GTF3C1: variants seen among roughly 807,000 people sequenced by gnomAD.
GTF3C1 encodes general transcription factor IIIC subunit 1, also known as general transcription factor 3C polypeptide 1.
GTF3C1 carries 57 observed loss-of-function variants against 226.7 expected under a neutral mutation model. The ratio of observed to expected loss-of-function variants is 0.25; its 90% confidence interval spans 0.20 to 0.31. GTF3C1 has a LOEUF of 0.31. Ranked by LOEUF, GTF3C1 falls within the 10% of genes least tolerant of loss-of-function variation. The pLI, the probability that GTF3C1 is intolerant of heterozygous loss-of-function variation, is 1.00. For synonymous variants in GTF3C1, 1,090 were observed against 1,084.8 expected (o/e 1.00, Z -0.09); for missense variants, 2,217 against 2,776.1 (o/e 0.80, Z 4.53).
At chr16:27,493,851 A>G (rs899639091) in intron 16 of GTF3C1, among the ~76,000 whole-genome samples, 1 of 152,236 alleles carries the variant, frequency 6.6e-6, no homozygotes, top group African/African-American at 2.4e-5. Flanking sequence ...CAAGTCTAAA[A>G]AGTTAATGAT....
At chr16:27,476,836 G>C (rs957193620) in intron 28 of GTF3C1, among the ~76,000 whole-genome samples, 1 of 152,166 alleles carries the variant, frequency 6.6e-6, no homozygotes, top group Non-Finnish European at 1.5e-5. Context: ...TTCTAAACGA[G>C]TTTTTCTCCG....
At chr16:27,532,730 G>A (rs150403253) in intron 5 of GTF3C1, among the ~76,000 whole-genome samples, 3 of 152,274 alleles carry the variant, frequency 2.0e-5, no homozygotes, top group South Asian at 2.1e-4. Flanking sequence ...CCTAAATGCC[G>A]CATTTTCCTA....
rs769367389 is a variant in GTF3C1, at chr16:27,508,493, A to G, written c.1242+47T>C. ...GATGCTCGTTCTCAAATACACTGCA[A>G]GCACCTCCAAAGACAACGAGTGTTG... On this transcript the variant is annotated intron_variant, in intron 8 of 36. Coordinates refer to ENST00000356183, the MANE Select transcript of GTF3C1 (RefSeq NM_001520.4). The G allele has an allele frequency of 1.3e-5, 18 of 1,374,074 alleles. No individual in the cohort carries two copies. In the South Asian group the frequency reaches 2.1e-4, roughly 16 times the overall value. The allele number at this position is 1,374,074 out of a possible 1,614,324, so 85.1% of individuals were successfully genotyped here. A position where few individuals can be genotyped will look rare whatever the true frequency, so the allele number is the denominator to read the frequency against.
chr16:27,549,705 C>T lies in GTF3C1; in HGVS notation c.186G>A (p.Glu62=). The T allele has an allele frequency of 6.3e-7, 1 of 1,588,746 alleles. No homozygotes were observed. The highest frequency in any genetic ancestry group is 8.6e-7 in the Non-Finnish European group (1 of 1,168,070). ...GCTGTAGGTCGGGTCGCTCCCGAGG[C>T]TCCTCATAGAAGCTGATGCCCGGGT... ...ATHPGISFYE[E]PRERPDLQLQ... Residue 62 remains glutamate (E), a synonymous_variant, in exon 1 of 37, where the codon GAG becomes GAA. Coordinates refer to ENST00000356183, the MANE Select transcript of GTF3C1 (RefSeq NM_001520.4).
intron 6 of GTF3C1, among the ~76,000 whole-genome samples, chr16:27,522,591 T>C (rs77630877): frequency 6.2e-4 from 94 of 152,358 alleles, no homozygotes; most frequent in African/African-American, 2.2e-3. Context: ...CTGGGTCCCT[T>C]TGCATTCCCT....
chr16:27,525,202 A>AAAGAAAAGAAAAGAAAAGAT (rs1284574172), intron 6 of GTF3C1, among the ~76,000 whole-genome samples: 16 of 152,040 alleles, frequency 1.1e-4, no homozygotes, highest in African/African-American at 3.6e-4. Flanking sequence ...AAAGAAAAGA[A>AAAGAAAAGAAAAGAAAAGAT]AAGATCAAAT....
chr16:27,464,223 T>C (rs927198284), intron 34 of GTF3C1, 97 bp downstream of exon 34: 1 of 683,994 alleles, frequency 1.5e-6, no homozygotes, highest in South Asian at 4.1e-5. Flanking sequence ...CAGTGGCAGG[T>C]CCCCCATCCT....
chr16:27,532,035 G>A (rs761458101), intron 5 of GTF3C1, among the ~76,000 whole-genome samples: 2 of 152,220 alleles, frequency 1.3e-5, no homozygotes, highest in South Asian at 2.1e-4. Context: ...GGTGGACTGC[G>A]GGGGACCCAG....
chr16:27,520,459 C>T lies in GTF3C1; in HGVS notation c.973+8139G>A, dbSNP rs144809035. On this transcript the variant is annotated intron_variant, in intron 6 of 36. Transcript: ENST00000356183. ...TCTTGATGTTTTTTCTACTTCCCCC[C>T]ACTCCAAGACTGACCACAAAATGGG... Among the ~76,000 whole-genome samples, 16 of 152,036 alleles carry T rather than the reference C, an allele frequency of 1.1e-4. No individual in the cohort carries two copies. The East Asian group carries it at 3.1e-3, about 30-fold the overall frequency.
chr16:27,494,869 G>C lies in GTF3C1; in HGVS notation c.2672C>G (p.Pro891Arg). 1 of 1,612,516 alleles carries C rather than the reference G, an allele frequency of 6.2e-7. No homozygotes were observed. The highest frequency in any genetic ancestry group is 8.5e-7 in the Non-Finnish European group (1 of 1,178,536). ...GCCGAAGTCCCTGTGGACTGGGATT[G>C]GGGGGATGTAGCGCATCCACGAGGC... ...DDASWMRYIPPIPVHRDFGFG... is the reference protein window; with the variant it reads ...DDASWMRYIPRIPVHRDFGFG... Residue 891 changes from proline to arginine, a missense_variant, in exon 16 of 37, where the codon CCA (proline) becomes CGA (arginine). Physicochemically the swap from Pro to Arg is moderately radical, Grantham distance 103. Coordinates refer to ENST00000356183, the MANE Select transcript of GTF3C1 (RefSeq NM_001520.4).
chr16:27,488,752 C>G, intron 21 of GTF3C1, 117 bp from the exon 22 acceptor site: 1 of 859,312 alleles, frequency 1.2e-6, no homozygotes, highest in Non-Finnish European at 1.8e-6. Context: ...GCACTGACAG[C>G]CAGGGGCTGG....
chr16:27,485,926 C>G, intron 24 of GTF3C1, 71 bp downstream of exon 24: 1 of 1,022,262 alleles, frequency 9.8e-7, no homozygotes, highest in Non-Finnish European at 1.5e-6. Context: ...GCTGGGAGTC[C>G]CCGGAAGGCT....
In GTF3C1 at chr16:27,462,490, C is replaced by T; in HGVS notation, c.5925-4G>A. ...GAAGCAGACACTCTCACAGTCCCTG[C>T]AGGGAGAGGGCTTGACATCAGGGCT... On this transcript the variant is annotated splice_region_variant and splice_polypyrimidine_tract_variant and intron_variant, in intron 35 of 36. Coordinates refer to ENST00000356183, the MANE Select transcript of GTF3C1 (RefSeq NM_001520.4). This position sits in a 1 kb window ranked among gnomAD's most constrained non-coding sequence, Gnocchi z 4.5. 6.2e-7 allele frequency: 1 copy of T among 1,612,160 alleles called. No homozygotes were observed. Among genetic ancestry groups the T allele is most frequent in the Non-Finnish European group, 8.5e-7 (1 of 1,178,616 alleles).
chr16:27,464,314 C>T lies in GTF3C1; in HGVS notation c.5872+6G>A, dbSNP rs1018340856. ...GAGGTGGGGTGGGGGACAAGGCGCGCGGTACCTCTGGGGTCTTCAGAGCCC... is the reference window on the plus strand; with the variant it reads ...GAGGTGGGGTGGGGGACAAGGCGCGTGGTACCTCTGGGGTCTTCAGAGCCC... On this transcript the variant is annotated splice_donor_region_variant and intron_variant, in intron 34 of 36. Coordinates refer to ENST00000356183, the MANE Select transcript of GTF3C1 (RefSeq NM_001520.4). 7.6e-6 allele frequency: 11 copies of T among 1,453,860 alleles called. No individual in the cohort carries two copies. Among genetic ancestry groups the T allele is most frequent in the South Asian group, 4.6e-5 (3 of 65,020 alleles). 90.1% of individuals were successfully genotyped at this position (1,453,860 alleles called of 1,614,324 possible). A position where few individuals can be genotyped will look rare whatever the true frequency, so the allele number is the denominator to read the frequency against.
chr16:27,475,383 G>A (rs1315108685), intron 29 of GTF3C1, among the ~76,000 whole-genome samples: 1 of 152,044 alleles, frequency 6.6e-6, no homozygotes, highest in Non-Finnish European at 1.5e-5. Context: ...TTTTCCCCTC[G>A]TATTCCAAAT....
intron 14 of GTF3C1, 86 bp from the exon 15 acceptor site, chr16:27,495,578 T>C (rs1408671309): frequency 3.9e-6 from 5 of 1,269,934 alleles, no homozygotes; most frequent in Non-Finnish European, 5.5e-6. Flanking sequence ...TGAGTGCCAC[T>C]ATGTGCCAGG....
chr16:27,478,517 GC>G lies in GTF3C1; in HGVS notation c.4210del (p.Ala1404GlnfsTer29). On this transcript the variant is annotated frameshift_variant, in exon 28 of 37. Coordinates refer to ENST00000356183, the MANE Select transcript of GTF3C1 (RefSeq NM_001520.4). LOFTEE classifies it high-confidence loss of function. ...GGTTTGATCTTTTTCATCCCCAATT[GC>G]CAAAACTCGGTACCTGCAAAAGAAA... ...QELFARYRVL[A>X]IGDEKDQTRK... 6.2e-7 allele frequency: 1 copy of G among 1,611,230 alleles called. No individual in the cohort carries two copies. The highest frequency in any genetic ancestry group is 8.5e-7 in the Non-Finnish European group (1 of 1,177,446).
intron 10 of GTF3C1, 107 bp from the exon 11 acceptor site, chr16:27,503,102 A>G: frequency 1.4e-6 from 1 of 738,846 alleles, no homozygotes. Context: ...TTCTACTCCC[A>G]TCTTTCAAGA....
chr16:27,495,907 G>A (rs1331160729), intron 14 of GTF3C1, among the ~76,000 whole-genome samples: 1 of 152,222 alleles, frequency 6.6e-6, no homozygotes, highest in African/African-American at 2.4e-5. Context: ...AGGAAGCAGA[G>A]TGCAGCACCT....
Sources: gnomAD v4.1 joint callset for allele counts (sites outside exome capture counted in the v4.1 genomes callset) on GRCh38, gnomAD v4.1.1 for gene constraint, Gnocchi (gnomAD v3.1) non-coding constraint, MANE v1.5 for transcripts, NCBI Gene and HGNC (gene_info 2026-07-23, HGNC 2026-07-21) for gene names.